Variants in SLC6A13 observed in about 807,000 individuals in gnomAD.
SLC6A13 encodes the protein sodium- and chloride-dependent GABA transporter 2.
A neutral mutation model predicts 72.9 loss-of-function variants in SLC6A13; 69 were observed. That is an observed-to-expected ratio of 0.95 (90% confidence interval 0.78 to 1.16). SLC6A13 has a LOEUF of 1.16. Ranked by LOEUF, SLC6A13 falls within the 50% of genes most tolerant of loss-of-function variation. SLC6A13 has a pLI of 0.00. For missense variants in SLC6A13, 735 were observed against 760.5 expected (o/e 0.97, Z 0.39); for synonymous variants, 303 against 303.0 (o/e 1.00, Z 0.00).
intron 4 of SLC6A13, chr12:238,228 T>A: frequency 1.3e-6 from 2 of 1,517,470 alleles, no homozygotes; most frequent in Non-Finnish European, 1.8e-6. Flanking sequence ...ACATAGATGC[T>A]TGGGTATACA....
At chr12:238,386 G>A (rs913222359) in intron 4 of SLC6A13, 29 of 1,276,622 alleles carry the variant, frequency 2.3e-5, no homozygotes, top group African/African-American at 6.1e-5. Flanking sequence ...CAGAGTGGCC[G>A]AGAGCGCAGG....
At chr12:251,167 A>C (rs1475946666) in intron 2 of SLC6A13, among the ~76,000 whole-genome samples, 1 of 148,766 alleles carries the variant, frequency 6.7e-6, no homozygotes, top group Non-Finnish European at 1.5e-5. Flanking sequence ...AAAAAAAACA[A>C]AAAAAAAAAA....
chr12:250,833 C>CAAAAAAAAAAAAAAA lies in SLC6A13; in HGVS notation c.203-7035_203-7021dup, dbSNP rs71045051. Among the ~76,000 whole-genome samples the CAAAAAAAAAAAAAAA allele has an allele frequency of 1.3e-4, 11 of 82,602 alleles. 2 individuals carry two copies. The highest frequency in any genetic ancestry group is 2.0e-4 in the African/African-American group (4 of 20,282). 54.2% of individuals were successfully genotyped at this position (82,602 alleles called of 152,430 possible). A position where few individuals can be genotyped will look rare whatever the true frequency, so the allele number is the denominator to read the frequency against. On this transcript the variant is annotated intron_variant, in intron 2 of 14. Coordinates refer to ENST00000343164, the MANE Select transcript of SLC6A13 (RefSeq NM_016615.5). ...ATGATAAGGACCCAAAATAGCCCCC[C>CAAAAAAAAAAAAAAA]AAAAAAAAAAAAAAAAAAACCTAAA...
chr12:249,236 GA>G (rs972861284), intron 2 of SLC6A13, among the ~76,000 whole-genome samples: 1 of 151,326 alleles, frequency 6.6e-6, no homozygotes, highest in African/African-American at 2.4e-5. Context: ...GTGTAGTTAA[GA>G]AAAAAAGAAA....
intron 7 of SLC6A13, among the ~76,000 whole-genome samples, chr12:234,290 G>A (rs1177754464): frequency 2.0e-5 from 3 of 152,296 alleles, no homozygotes; most frequent in East Asian, 1.9e-4. Context: ...GCAACGTCAG[G>A]AAGTTAACCT....
chr12:237,053 G>T, intron 6 of SLC6A13, 105 bp downstream of exon 6: 1 of 1,261,828 alleles, frequency 7.9e-7, no homozygotes, highest in Non-Finnish European at 1.1e-6. Context: ...CTGGGTCATC[G>T]CCTCCCATCC....
intron 9 of SLC6A13, among the ~76,000 whole-genome samples, chr12:226,028 T>A (rs530461134): frequency 6.6e-6 from 1 of 152,338 alleles, no homozygotes; most frequent in African/African-American, 2.4e-5. Context: ...TTTGGTTTTT[T>A]AAGAAGGAGG....
intron 2 of SLC6A13, 197 bp downstream of exon 2, chr12:259,654 T>C (rs1010123232): frequency 1.7e-5 from 24 of 1,440,110 alleles, no homozygotes; most frequent in Admixed American, 1.4e-4. Context: ...CACGTTATAA[T>C]AGAAAGAGCC....
chr12:248,689 A>G (rs1438810994), intron 2 of SLC6A13, among the ~76,000 whole-genome samples: 2 of 152,226 alleles, frequency 1.3e-5, no homozygotes, highest in East Asian at 1.9e-4. Context: ...AAATGTTAAA[A>G]ACGTTAATAG....
rs118192048 is a variant in SLC6A13 at position 240,985 on chromosome 12, T to C, written c.478+1629A>G. Among the ~76,000 whole-genome samples the C allele has an allele frequency of 6.4e-3, 968 of 152,252 alleles. 15 individuals carry two copies. Among genetic ancestry groups the C allele is most frequent in the African/African-American group, 0.022 (921 of 41,546 alleles). On this transcript the variant is annotated intron_variant, in intron 4 of 14. Coordinates refer to ENST00000343164, the MANE Select transcript of SLC6A13 (RefSeq NM_016615.5). ...TTCCGGGCAAGTAAAGGATTCAAAC[T>C]CCAGTTCAGAATTAACTTATCTGAG...
intron 9 of SLC6A13, among the ~76,000 whole-genome samples, chr12:225,033 G>A (rs10848594): frequency 0.42 from 63,232 of 152,176 alleles, 15,642 homozygotes; most frequent in Non-Finnish European, 0.56. Context: ...CTCTGCGCCC[G>A]GAGCCCTTTC....
At position 251,945 on chromosome 12, in the gene SLC6A13, C is replaced by T. The variant is rs543355738; in HGVS notation, c.202+7906G>A. Among the ~76,000 whole-genome samples, 32 of 152,078 alleles carry T rather than the reference C, an allele frequency of 2.1e-4. 1 individual carries two copies. The Middle Eastern group carries it at 0.024, about 113-fold the overall frequency. Reference sequence around the variant, plus strand: ...ACCATTGCACTGCACCATTGCACTTCGGCCTGGGTGACAGAGTGAGATCCC... The same window carrying T: ...ACCATTGCACTGCACCATTGCACTTTGGCCTGGGTGACAGAGTGAGATCCC... On this transcript the variant is annotated intron_variant, in intron 2 of 14. Transcript: ENST00000343164.
chr12:224,489 T>C lies in SLC6A13; in HGVS notation c.1085A>G (p.Tyr362Cys), dbSNP rs753978131. The C allele has an allele frequency of 6.2e-7, 1 of 1,613,822 alleles. No individual in the cohort carries two copies. The highest frequency in any genetic ancestry group is 1.1e-5 in the South Asian group (1 of 91,062). ...ESGPGLAFIA[Y>C]PRAVVMLPFS... ...GGGCAGCATCACCACAGCCCGCGGGTAAGCGATGAAAGCCAGGCCAGGGCC... is the reference window on the plus strand; with the variant it reads ...GGGCAGCATCACCACAGCCCGCGGGCAAGCGATGAAAGCCAGGCCAGGGCC... Residue 362 changes from tyrosine to cysteine, a missense_variant, in exon 10 of 15, where the codon TAC (tyrosine) becomes TGC (cysteine). By Grantham distance (194) the Tyr-to-Cys change is radical (BLOSUM62 -2). Coordinates refer to ENST00000343164, the MANE Select transcript of SLC6A13 (RefSeq NM_016615.5).
chr12:237,067 A>C, intron 6 of SLC6A13, 91 bp downstream of exon 6: 1 of 1,434,446 alleles, frequency 7.0e-7, no homozygotes, highest in Non-Finnish European at 9.6e-7. Flanking sequence ...CCCATCCTCA[A>C]CGGGGCCACA....
At position 260,000 on chromosome 12, in the gene SLC6A13, T is replaced by C. The variant is rs1406556885; in HGVS notation, c.53A>G (p.Tyr18Cys). Residue 18 changes from tyrosine to cysteine, a missense_variant, in exon 2 of 15, where the codon TAT (tyrosine) becomes TGT (cysteine). Transcript: ENST00000343164. ...TTSNGETKPVYPVMEKKEEDG... is the reference protein window; with the variant it reads ...TTSNGETKPVCPVMEKKEEDG... The stretch of plus-strand genomic sequence containing the variant: ...TTCCTCCTTCTTTTCCATGACTGGA[T>C]ACACTGGTTTTGTCTCTCCATTACT... The C allele has an allele frequency of 1.2e-6, 2 of 1,614,220 alleles. No individual in the cohort carries two copies. The highest frequency in any genetic ancestry group is 1.3e-5 in the African/African-American group (1 of 75,060).
At position 224,089 on chromosome 12, in the gene SLC6A13, A is replaced by C. The variant is rs1941334505; in HGVS notation, c.1214T>G (p.Met405Arg). The C allele has an allele frequency of 6.2e-7, 1 of 1,614,174 alleles. No individual in the cohort carries two copies. The highest frequency in any genetic ancestry group is 8.5e-7 in the Non-Finnish European group (1 of 1,180,016). ...VESLVTALVD[M>R]YPHVFRKKNR... The stretch of plus-strand genomic sequence containing the variant: ...CTTCTTGCGGAACACGTGAGGGTAC[A>C]TGTCCACCAGCGCTGTCACCAGGCT... Residue 405 changes from methionine to arginine, a missense_variant, in exon 11 of 15, where the codon ATG becomes AGG. Transcript: ENST00000343164.
chr12:222,353 T>C, intron 13 of SLC6A13, among the ~76,000 whole-genome samples, 179 bp downstream of exon 13: 1 of 152,188 alleles, frequency 6.6e-6, no homozygotes, highest in East Asian at 1.9e-4. Flanking sequence ...TTCTGTGAAA[T>C]GGAAAGGAAG....
chr12:262,311 TCA>T (rs1448687284), intron 1 of SLC6A13, among the ~76,000 whole-genome samples: 1 of 152,208 alleles, frequency 6.6e-6, no homozygotes, highest in Non-Finnish European at 1.5e-5. Context: ...ATGTCTGACT[TCA>T]GAGAAGTTAA....
intron 3 of SLC6A13, 76 bp from the exon 4 acceptor site, chr12:242,830 A>T: frequency 7.1e-7 from 1 of 1,400,516 alleles, no homozygotes; most frequent in Non-Finnish European, 9.8e-7. Context: ...GCTATGCGGG[A>T]CGCTGAGGTG....
Sources: allele counts gnomAD v4.1 joint callset (sites outside exome capture counted in the v4.1 genomes callset), GRCh38; gene constraint gnomAD v4.1.1; transcripts MANE v1.5; gene names NCBI Gene and HGNC (gene_info 2026-07-23, HGNC 2026-07-21).